The following EPB41L4A variants were observed in gnomAD, a reference collection of about 807,000 sequenced individuals.
EPB41L4A encodes the protein erythrocyte membrane protein band 4.1 like 4A, also known as band 4.1-like protein 4A.
EPB41L4A carries 100 observed loss-of-function variants against 108.6 expected under a neutral mutation model. The ratio of observed to expected loss-of-function variants is 0.92; its 90% CI spans 0.78 to 1.09. The LOEUF (loss-of-function observed/expected upper bound fraction) is 1.09. EPB41L4A is among the 50% of genes least tolerant of loss of function. The pLI is 0.00. For missense variants in EPB41L4A, 1,030 were observed against 842.7 expected, an observed-to-expected ratio of 1.22 and a Z score of -2.75; for synonymous variants, 319 against 289.0, an observed-to-expected ratio of 1.10 and a Z score of -1.05.
chr5:112,281,826 T>A (rs1352119024), intron 2 of EPB41L4A, among the ~76,000 whole-genome samples: 3 of 152,220 alleles, frequency 2.0e-5, no homozygotes, highest in Non-Finnish European at 4.4e-5. Context: ...CTATGAATAC[T>A]ATGACTATGA....
chr5:112,261,651 T>C (rs1330830336), intron 7 of EPB41L4A, among the ~76,000 whole-genome samples: 1 of 152,210 alleles, frequency 6.6e-6, no homozygotes, highest in East Asian at 1.9e-4. Flanking sequence ...TGATGACTAT[T>C]CAGCAAGTTT....
intron 2 of EPB41L4A, among the ~76,000 whole-genome samples, chr5:112,295,616 T>C (rs1317585589): frequency 6.6e-6 from 1 of 152,182 alleles, no homozygotes; most frequent in Non-Finnish European, 1.5e-5. Context: ...AGGAGAAGCA[T>C]AGGAAGACTT....
In EPB41L4A at chr5:112,154,730, G is replaced by A. The variant is rs189549965; in HGVS notation, n.994+3671C>T. 4.9e-4 allele frequency among the ~76,000 whole-genome samples: 74 copies of A among 152,280 alleles called. No homozygotes were observed. The East Asian group carries it at 7.1e-3, about 15-fold the overall frequency. ...ATATAACTTAATTAACAAATGTGGA[G>A]TGATTCATCATTGCTAAAGTGACAT... On this transcript the variant is annotated intron_variant and non_coding_transcript_variant, in intron 12 of 13. Coordinates refer to the EPB41L4A transcript ENST00000507810.
At chr5:112,143,200 T>G (rs1208414907) in exon 14 of EPB41L4A, 1 of 152,240 alleles carries the variant, frequency 6.6e-6, no homozygotes, top group Non-Finnish European at 1.5e-5. Context: ...GACAAAGACT[T>G]GTGAGTTAAA....
chr5:112,180,027 A>C (rs1420740841), intron 18 of EPB41L4A, among the ~76,000 whole-genome samples: 1 of 152,172 alleles, frequency 6.6e-6, no homozygotes. Context: ...ATATACTAAA[A>C]AACAACTGAA....
chr5:112,398,484 G>T (rs1299680458), intron 1 of EPB41L4A, among the ~76,000 whole-genome samples: 1 of 152,152 alleles, frequency 6.6e-6, no homozygotes, highest in Non-Finnish European at 1.5e-5. Flanking sequence ...TGCCTCCCGG[G>T]TTCAAGTGAT....
At chr5:112,341,318 C>T (rs1246682087) in intron 1 of EPB41L4A, among the ~76,000 whole-genome samples, 1 of 152,194 alleles carries the variant, frequency 6.6e-6, no homozygotes, top group Non-Finnish European at 1.5e-5. Context: ...CTTCCTAAAA[C>T]TGATACAAAT....
At chr5:112,187,813 A>G (rs974163001) in intron 17 of EPB41L4A, among the ~76,000 whole-genome samples, 2 of 152,192 alleles carry the variant, frequency 1.3e-5, no homozygotes, top group African/African-American at 4.8e-5. Context: ...GCTGAATCTA[A>G]GAAGTCTTTC....
chr5:112,208,421 T>C (rs190167829), intron 13 of EPB41L4A, among the ~76,000 whole-genome samples: 1 of 152,226 alleles, frequency 6.6e-6, no homozygotes, highest in African/African-American at 2.4e-5. Flanking sequence ...ACCATGTCCT[T>C]TGCGGCAACA....
chr5:112,194,660 G>C lies in EPB41L4A; in HGVS notation c.1425-15C>G. On this transcript the variant is annotated splice_polypyrimidine_tract_variant and intron_variant, in intron 16 of 22. Transcript: ENST00000261486. ...GTGAACGTGACCTGAAGACAAAAAG[G>C]TAAGAACAAAAGAAAAAACACACAT... 1.9e-6 allele frequency: 3 copies of C among 1,581,250 alleles called. No individual in the cohort carries two copies. The highest frequency in any genetic ancestry group is 2.6e-6 in the Non-Finnish European group (3 of 1,164,024).
intron 12 of EPB41L4A, among the ~76,000 whole-genome samples, chr5:112,151,962 C>T (rs1759485808): frequency 1.3e-5 from 2 of 152,194 alleles, no homozygotes; most frequent in African/African-American, 4.8e-5. Flanking sequence ...GAATTCCTGA[C>T]CTCAAGTGAT....
intron 12 of EPB41L4A, among the ~76,000 whole-genome samples, chr5:112,233,213 A>G (rs1749083427): frequency 6.6e-6 from 1 of 152,252 alleles, no homozygotes. Flanking sequence ...CCATTCATCT[A>G]ATGTTAAAAA....
Position 112,195,887 on chromosome 5 carries a change from T to A in EPB41L4A, c.1377-179A>T, listed in dbSNP as rs190733214. The stretch of plus-strand genomic sequence containing the variant: ...CATACAACACGTCCCAGAAATATAA[T>A]GTTAATAACATCACCTGGCCTCACT... On this transcript the variant is annotated intron_variant, in intron 15 of 22. Coordinates refer to ENST00000261486, the MANE Select transcript of EPB41L4A (RefSeq NM_022140.5). Among the ~76,000 whole-genome samples the A allele has an allele frequency of 5.9e-5, 9 of 152,314 alleles. No homozygotes were observed. In the East Asian group the frequency reaches 1.5e-3, roughly 26 times the overall value.
At chr5:112,193,785 T>C (rs538496190) in intron 17 of EPB41L4A, among the ~76,000 whole-genome samples, 38 of 152,312 alleles carry the variant, frequency 2.5e-4, no homozygotes, top group Middle Eastern at 3.4e-3. Context: ...CCTTGGACAG[T>C]TGCAATCCCC....
intron 1 of EPB41L4A, among the ~76,000 whole-genome samples, chr5:112,357,460 C>T (rs900585705): frequency 5.9e-5 from 9 of 152,230 alleles, no homozygotes; most frequent in African/African-American, 2.2e-4. Context: ...CTAACACCTA[C>T]TCCTAGCATA....
At chr5:112,159,897 T>C (rs891735330), downstream of EPB41L4A, among the ~76,000 whole-genome samples, 44 of 147,014 alleles carry the variant, frequency 3.0e-4, no homozygotes, top group African/African-American at 1.2e-3. Flanking sequence ...TCTGTTTCTT[T>C]TTACTTTTTT....
intron 1 of EPB41L4A, among the ~76,000 whole-genome samples, chr5:112,317,848 T>G (rs1755529291): frequency 6.6e-6 from 1 of 152,176 alleles, no homozygotes; most frequent in African/African-American, 2.4e-5. Context: ...TTCAAAAATC[T>G]CTCCACTTAA....
chr5:112,300,536 T>C (rs1754284859), intron 2 of EPB41L4A, among the ~76,000 whole-genome samples: 2 of 152,190 alleles, frequency 1.3e-5, no homozygotes, highest in Non-Finnish European at 2.9e-5. Context: ...TGATAGGTTT[T>C]CCTTTATAGA....
In EPB41L4A at chr5:112,164,814, A is replaced by G. The variant is rs1760129388; in HGVS notation, c.*176T>C. The G allele has an allele frequency of 6.7e-6, 4 of 598,576 alleles. No individual in the cohort carries two copies. The South Asian group carries it at 1.1e-4, about 17-fold the overall frequency. The allele number at this position is 598,576 out of a possible 1,614,324, so 37.1% of individuals were successfully genotyped here. On this transcript the variant is annotated 3_prime_UTR_variant, in exon 23 of 23. Coordinates refer to ENST00000261486, the MANE Select transcript of EPB41L4A (RefSeq NM_022140.5). ...GTGCCGCTGCACTCCAGCCTGGGCG[A>G]CAGAGTGATAACATCTCAAAAAAAA... is the stretch of plus-strand genomic sequence containing the variant.
Sources: gnomAD v4.1 joint callset for allele counts (sites outside exome capture counted in the v4.1 genomes callset) on GRCh38, gnomAD v4.1.1 for gene constraint, MANE v1.5 for transcripts, NCBI Gene and HGNC (gene_info 2026-07-23, HGNC 2026-07-21) for gene names.